SLC60A2: variants seen among roughly 807,000 people sequenced by gnomAD.
The protein encoded by SLC60A2 is major facilitator superfamily domain containing 4B.
the SLC60A2 span, chr6:111,268,386 GT>G: frequency 1.7e-4 from 26 of 152,106 alleles, no homozygotes; most frequent in African/African-American, 6.3e-4. Flanking sequence ...TTAATGGACA[GT>G]TTTTTCCCAT....
the SLC60A2 span, chr6:111,262,296 T>C: frequency 1.3e-4 from 214 of 1,614,054 alleles, no homozygotes; most frequent in Non-Finnish European, 1.7e-4. Flanking sequence ...GTTTCAAGAT[T>C]TGGCAACAAA....
chr6:111,274,392 C>T, the SLC60A2 span, among the ~76,000 whole-genome samples: 29 of 152,202 alleles, frequency 1.9e-4, no homozygotes, highest in East Asian at 9.6e-4. Context: ...TGTGTGTTTA[C>T]GGGTGAAGTG....
At chr6:111,262,372 G>A in the SLC60A2 span, 4 of 1,613,868 alleles carry the variant, frequency 2.5e-6, no homozygotes, top group African/African-American at 1.3e-5. Context: ...TATTTGAGTG[G>A]CTCTGTGATT....
the SLC60A2 span, among the ~76,000 whole-genome samples, chr6:111,273,948 G>A: frequency 2.5e-3 from 388 of 152,222 alleles, no homozygotes; most frequent in Non-Finnish European, 4.7e-3. Flanking sequence ...GTCTTGAACT[G>A]CACTCAAGTG....
chr6:111,267,492 A>G, the SLC60A2 span: 81 of 165,886 alleles, frequency 4.9e-4, no homozygotes, highest in African/African-American at 1.8e-3. Context: ...TCAGGTATCA[A>G]TATTTTTCCA....
the SLC60A2 span, chr6:111,259,352 C>CT: frequency 3.1e-6 from 1 of 319,428 alleles, no homozygotes; most frequent in African/African-American, 2.1e-5. Context: ...GAGCGAGCGT[C>CT]TTTTGCCACG....
At chr6:111,276,897 A>G in the SLC60A2 span, among the ~76,000 whole-genome samples, 1 of 152,088 alleles carries the variant, frequency 6.6e-6, no homozygotes, top group African/African-American at 2.4e-5. Flanking sequence ...TGACTTGAAT[A>G]GATGCCATTG....
At chr6:111,277,235 T>A in the SLC60A2 span, among the ~76,000 whole-genome samples, 5 of 152,260 alleles carry the variant, frequency 3.3e-5, no homozygotes, top group African/African-American at 1.2e-4. Context: ...TGGCAGGTCC[T>A]GGGATGGATG....
chr6:111,266,593 T>G, the SLC60A2 span: 2 of 1,614,192 alleles, frequency 1.2e-6, no homozygotes, highest in Non-Finnish European at 8.5e-7. Context: ...GTTTCTTGGA[T>G]TGAGCAGTAC....
chr6:111,259,568 C>T, the SLC60A2 span: 4,994 of 931,636 alleles, frequency 5.4e-3, 175 homozygotes, highest in African/African-American at 0.075. Flanking sequence ...TCCGTGGGGC[C>T]GGGCCCCCGG....
At chr6:111,275,779 T>G in the SLC60A2 span, among the ~76,000 whole-genome samples, 2 of 152,236 alleles carry the variant, frequency 1.3e-5, no homozygotes, top group Non-Finnish European at 2.9e-5. Context: ...TAAAATATAC[T>G]TAATGGAAAA....
chr6:111,266,841 GCTCTGCTCT>G, the SLC60A2 span: 1 of 1,613,974 alleles, frequency 6.2e-7, no homozygotes, highest in East Asian at 2.2e-5. Context: ...GGACCAGAAA[GCTCTGCTCT>G]CTAGCTCCGG....
At chr6:111,271,774 CTAAAAAAAA>C in the SLC60A2 span, among the ~76,000 whole-genome samples, 2 of 6,274 alleles carry the variant, frequency 3.2e-4, no homozygotes, top group Non-Finnish European at 7.1e-4. Context: ...CCCATCTCTA[CTAAAAAAAA>C]AAAAAAAAAA....
the SLC60A2 span, among the ~76,000 whole-genome samples, chr6:111,262,033 G>A: frequency 6.6e-6 from 1 of 151,624 alleles, no homozygotes; most frequent in Non-Finnish European, 1.5e-5. Context: ...AAAGGAAACA[G>A]GATTGCAACA....
chr6:111,273,082 C>T, the SLC60A2 span, among the ~76,000 whole-genome samples: 22 of 152,220 alleles, frequency 1.4e-4, no homozygotes, highest in Middle Eastern at 6.8e-3. Context: ...CCACTTGCCT[C>T]GGGTCAGAGA....
the SLC60A2 span, among the ~76,000 whole-genome samples, chr6:111,273,715 T>C: frequency 6.6e-6 from 1 of 152,096 alleles, no homozygotes; most frequent in South Asian, 2.1e-4. Context: ...AGTTGGAGTC[T>C]ATGTGCCCAT....
chr6:111,276,777 G>GCT, the SLC60A2 span, among the ~76,000 whole-genome samples: 1 of 152,184 alleles, frequency 6.6e-6, no homozygotes, highest in African/African-American at 2.4e-5. Flanking sequence ...TAAATGGGCT[G>GCT]CTCTCTGCCT....
chr6:111,276,764 C>T, the SLC60A2 span, among the ~76,000 whole-genome samples: 185 of 152,322 alleles, frequency 1.2e-3, 2 homozygotes, highest in Middle Eastern at 3.4e-3. Flanking sequence ...GGTCTGAGAA[C>T]GATAAATGGG....
At chr6:111,270,016 C>T in the SLC60A2 span, 4 of 120,598 alleles carry the variant, frequency 3.3e-5, no homozygotes, top group South Asian at 4.7e-4. Flanking sequence ...TGTACAGGGC[C>T]GCTTCAGTAC....
Sources: gnomAD v4.1 joint callset for allele counts (sites outside exome capture counted in the v4.1 genomes callset) on GRCh38, gnomAD v4.1.1 for gene constraint, MANE v1.5 for transcripts, NCBI Gene and HGNC (gene_info 2026-07-23, HGNC 2026-07-21) for gene names.